The following GPRC6A variants were observed in gnomAD, a reference collection of about 807,000 sequenced individuals.
GPRC6A encodes G protein-coupled receptor family C group 6 member A.
In GPRC6A, 54 loss-of-function variants were observed where a neutral mutation model predicts 47.0. The ratio of observed to expected loss-of-function variants is 1.15; its 90% CI spans 0.92 to 1.44. GPRC6A has a LOEUF of 1.44. Ranked by LOEUF, GPRC6A falls within the 40% of genes most tolerant of loss-of-function variation. The pLI, the probability that GPRC6A is intolerant of heterozygous loss-of-function variation, is 0.00. For synonymous variants in GPRC6A, 347 were observed against 377.1 expected (o/e 0.92, Z 0.93); for missense variants, 1,112 against 1,105.5 (o/e 1.01, Z -0.08).
intron 1 of GPRC6A, among the ~76,000 whole-genome samples, chr6:116,827,144 C>G (rs1430945570): frequency 1.3e-5 from 2 of 151,894 alleles, no homozygotes; most frequent in African/African-American, 4.8e-5. Context: ...TTTGACAGCA[C>G]AGTTACTCTA....
Position 116,806,582 on chromosome 6 carries a change from A to G in GPRC6A, c.1123T>C (p.Cys375Arg), listed in dbSNP as rs777841773. 8 of 1,613,602 alleles carry G rather than the reference A, an allele frequency of 5.0e-6. No individual in the cohort carries two copies. The highest frequency in any genetic ancestry group is 5.9e-6 in the Non-Finnish European group (7 of 1,179,728). The change falls in exon 3 of 6, where the codon TGC (cysteine) becomes CGC (arginine). Residue 375 changes from cysteine to arginine, a missense_variant. Cys to Arg is a radical substitution (Grantham distance 180). Coordinates refer to ENST00000310357, the MANE Select transcript of GPRC6A (RefSeq NM_148963.4). ...GTCCTTTGAGAATGATTGAATATGC[A>G]TTGACTCAAATCAGTGTCCTTGACA... ...AYVKDTDLSQ[C>R]IFNHSQRTLA...
intron 4 of GPRC6A, among the ~76,000 whole-genome samples, chr6:116,796,465 G>A (rs1512657): frequency 1.3e-5 from 2 of 151,954 alleles, no homozygotes; most frequent in Admixed American, 1.3e-4. Context: ...TTATGGAACC[G>A]TAGCTGGTAA....
intron 1 of GPRC6A, among the ~76,000 whole-genome samples, chr6:116,809,857 T>G (rs1330533034): frequency 6.6e-6 from 1 of 152,170 alleles, no homozygotes; most frequent in African/African-American, 2.4e-5. Context: ...TTGGTGAATT[T>G]TTTGATCATT....
At chr6:116,804,055 T>C (rs1406182262) in intron 3 of GPRC6A, among the ~76,000 whole-genome samples, 1 of 152,078 alleles carries the variant, frequency 6.6e-6, no homozygotes, top group Non-Finnish European at 1.5e-5. Context: ...GCTAAATAAA[T>C]ATATGAATAG....
At chr6:116,820,125 C>G (rs2114617398) in intron 1 of GPRC6A, among the ~76,000 whole-genome samples, 1 of 150,238 alleles carries the variant, frequency 6.7e-6, no homozygotes, top group South Asian at 2.1e-4. Context: ...GGATAAATTC[C>G]TTGACACATA....
rs114066977 is a variant in GPRC6A, at chr6:116,792,298, G to A, written c.2625C>T (p.Ser875=). The part of the protein sequence containing the change: ...ALSPASLDSM[S]GNVTMTNPSS... ...TGGGATTGGTCATTGTGACATTGCC[G>A]CTCATGGAGTCCAGTGAAGCAGGAC... Residue 875 remains serine (S), a synonymous_variant, in exon 6 of 6, where the codon AGC becomes AGT. Transcript: ENST00000310357. 1.3e-3 allele frequency: 2,138 copies of A among 1,613,978 alleles called. 26 individuals carry two copies. In the African/African-American group the frequency reaches 0.025, roughly 19 times the overall value.
At chr6:116,817,297 C>A (rs1317256527) in intron 1 of GPRC6A, among the ~76,000 whole-genome samples, 1 of 151,958 alleles carries the variant, frequency 6.6e-6, no homozygotes, top group Non-Finnish European at 1.5e-5. Flanking sequence ...CACACGGCAG[C>A]GTATTCCAAC....
chr6:116,809,897 A>G (rs1004457425), intron 1 of GPRC6A, among the ~76,000 whole-genome samples: 1 of 152,004 alleles, frequency 6.6e-6, no homozygotes, highest in Non-Finnish European at 1.5e-5. Context: ...GATGTGTTTG[A>G]TTTTTGTTCC....
chr6:116,816,229 C>T (rs1773201016), intron 1 of GPRC6A, among the ~76,000 whole-genome samples: 1 of 152,210 alleles, frequency 6.6e-6, no homozygotes, highest in South Asian at 2.1e-4. Context: ...GTAGTCCCTT[C>T]TGCCTATGAG....
intron 1 of GPRC6A, among the ~76,000 whole-genome samples, chr6:116,816,528 G>A (rs1773212178): frequency 6.6e-6 from 1 of 152,238 alleles, no homozygotes; most frequent in African/African-American, 2.4e-5. Flanking sequence ...TCTTCTGAGG[G>A]AGGAGCCAAG....
rs2114611689 is a variant in GPRC6A at position 116,817,264 on chromosome 6, C to A, written c.195-7647G>T. Among the ~76,000 whole-genome samples the A allele has an allele frequency of 2.6e-5, 4 of 152,308 alleles. No homozygotes were observed. In the South Asian group the frequency reaches 8.3e-4, roughly 32 times the overall value. On this transcript the variant is annotated intron_variant, in intron 1 of 5. Transcript: ENST00000310357. ...GAGCAGCCTAACTGGGAGGCACCCC[C>A]CAGCAGGGGCACACTGACATCTCAC...
intron 3 of GPRC6A, 122 bp downstream of exon 3, chr6:116,806,248 G>A: frequency 1.5e-6 from 1 of 660,760 alleles, no homozygotes; most frequent in Non-Finnish European, 2.7e-6. Context: ...AACACTGAAA[G>A]TGTCTATTTA....
chr6:116,822,784 G>A (rs1292099951), intron 1 of GPRC6A, among the ~76,000 whole-genome samples: 2 of 149,182 alleles, frequency 1.3e-5, no homozygotes, highest in Admixed American at 6.7e-5. Context: ...TGGGTGCAGC[G>A]CACCAGCATG....
chr6:116,823,394 C>T lies in GPRC6A; in HGVS notation c.194+5426G>A, dbSNP rs545433035. On this transcript the variant is annotated intron_variant, in intron 1 of 5. Transcript: ENST00000310357. ...ATGCATAGCAAAGATAACCTTTACT[C>T]CAGTTCCTAATAAGTTCCTCATCTC... is the stretch of plus-strand genomic sequence containing the variant. Among the ~76,000 whole-genome samples, 158 of 152,230 alleles carry T rather than the reference C, an allele frequency of 1.0e-3. 1 individual carries two copies. The highest frequency in any genetic ancestry group is 6.8e-3 in the Middle Eastern group (2 of 294).
At chr6:116,796,928 G>A (rs891624301) in intron 4 of GPRC6A, among the ~76,000 whole-genome samples, 3 of 151,932 alleles carry the variant, frequency 2.0e-5, no homozygotes, top group Admixed American at 6.6e-5. Flanking sequence ...ACATGTGCAC[G>A]ATGTGCAGGT....
In GPRC6A at chr6:116,810,748, G is replaced by T. The variant is rs141193299; in HGVS notation, c.195-1131C>A. Among the ~76,000 whole-genome samples the T allele has an allele frequency of 8.6e-5, 13 of 151,754 alleles. No individual in the cohort carries two copies. The East Asian group carries it at 2.5e-3, about 29-fold the overall frequency. ...TTATTAAAATTTTAAATTTAATTAA[G>T]AAATTTTAATTTAATTAAAATTTTA... On this transcript the variant is annotated intron_variant, in intron 1 of 5. Transcript: ENST00000310357.
chr6:116,821,105 CA>C (rs1265607040), intron 1 of GPRC6A, among the ~76,000 whole-genome samples: 38 of 150,786 alleles, frequency 2.5e-4, no homozygotes, highest in African/African-American at 8.5e-4. Context: ...AACTCCCATT[CA>C]CAATTGCTTC....
At chr6:116,793,596 A>C (rs1219452689) in intron 5 of GPRC6A, among the ~76,000 whole-genome samples, 1 of 152,170 alleles carries the variant, frequency 6.6e-6, no homozygotes, top group African/African-American at 2.4e-5. Context: ...AAGGTTTTGG[A>C]ATCAGACGTA....
At chr6:116,799,956 G>A (rs1264881019) in intron 4 of GPRC6A, among the ~76,000 whole-genome samples, 1 of 152,138 alleles carries the variant, frequency 6.6e-6, no homozygotes, top group Non-Finnish European at 1.5e-5. Flanking sequence ...GTGGCCACTG[G>A]AATTCTCTTC....
Sources: allele counts gnomAD v4.1 joint callset (sites outside exome capture counted in the v4.1 genomes callset), GRCh38; gene constraint gnomAD v4.1.1; transcripts MANE v1.5; gene names NCBI Gene and HGNC (gene_info 2026-07-23, HGNC 2026-07-21).